Variants in FHIT observed in about 807,000 individuals in gnomAD.
FHIT encodes the protein bis(5'-adenosyl)-triphosphatase.
Under a neutral mutation model 17.9 loss-of-function variants are expected in FHIT, and 19 were observed. That is an observed-to-expected ratio of 1.06 (90% CI 0.74 to 1.56). The LOEUF (loss-of-function observed/expected upper bound fraction) is 1.56, where lower values mean the gene tolerates loss of function less well. FHIT is among the 40% of genes most tolerant of loss of function. The pLI is 0.00. For missense variants in FHIT, 248 were observed against 189.2 expected (o/e 1.31, Z -1.82); for synonymous variants, 81 against 69.7 (o/e 1.16, Z -0.81).
intron 5 of FHIT, among the ~76,000 whole-genome samples, chr3:60,529,362 A>C (rs2035687200): frequency 6.6e-6 from 1 of 152,212 alleles, no homozygotes; most frequent in Non-Finnish European, 1.5e-5. Context: ...TTGTAAAAAA[A>C]TCCACGTATA....
intron 4 of FHIT, among the ~76,000 whole-genome samples, chr3:60,595,702 C>CG (rs1165916036): frequency 1.3e-5 from 2 of 151,764 alleles, no homozygotes; most frequent in Non-Finnish European, 2.9e-5. Flanking sequence ...CCAGTGCCGT[C>CG]GTGCAGTTAT....
chr3:61,211,943 G>A (rs1353898082), intron 1 of FHIT, among the ~76,000 whole-genome samples: 3 of 152,170 alleles, frequency 2.0e-5, no homozygotes, highest in Non-Finnish European at 4.4e-5. Flanking sequence ...TGCAGCTGAG[G>A]GTCCTGTCTC....
intron 5 of FHIT, among the ~76,000 whole-genome samples, chr3:60,330,270 G>A (rs1200391122): frequency 6.6e-6 from 1 of 152,184 alleles, no homozygotes; most frequent in African/African-American, 2.4e-5. Context: ...ATTCAAACGG[G>A]TCATAAACCC....
At chr3:60,273,735 G>T (rs1046446904) in intron 5 of FHIT, among the ~76,000 whole-genome samples, 9 of 152,104 alleles carry the variant, frequency 5.9e-5, no homozygotes, top group Non-Finnish European at 8.8e-5. Context: ...TAACATGATG[G>T]TACCTCCTAA....
chr3:60,167,929 G>C (rs1407177961), intron 5 of FHIT, among the ~76,000 whole-genome samples: 2 of 152,068 alleles, frequency 1.3e-5, no homozygotes, highest in Admixed American at 6.6e-5. Flanking sequence ...CTTTTTGGAG[G>C]GGGAAGATGG....
chr3:60,279,640 G>T (rs745677318), intron 5 of FHIT, among the ~76,000 whole-genome samples: 1 of 151,976 alleles, frequency 6.6e-6, no homozygotes, highest in Non-Finnish European at 1.5e-5. Flanking sequence ...AATTAATATC[G>T]CTCGTGAACA....
chr3:59,887,754 A>G (rs1318002954), intron 8 of FHIT, among the ~76,000 whole-genome samples: 2 of 152,238 alleles, frequency 1.3e-5, no homozygotes, highest in Admixed American at 6.5e-5. Flanking sequence ...TGACTGCCCA[A>G]GAATTAAAAA....
intron 3 of FHIT, among the ~76,000 whole-genome samples, chr3:60,850,846 A>G (rs1475519069): frequency 6.6e-6 from 1 of 152,130 alleles, no homozygotes; most frequent in Non-Finnish European, 1.5e-5. Context: ...TTTGAATAGC[A>G]TCTTATTCAG....
At chr3:60,560,024 A>AC (rs899722578) in intron 4 of FHIT, among the ~76,000 whole-genome samples, 1 of 151,968 alleles carries the variant, frequency 6.6e-6, no homozygotes, top group Admixed American at 6.6e-5. Flanking sequence ...ACAGCTCCCA[A>AC]CAGCTTCAGA....
At chr3:60,999,213 C>A (rs1373133549) in intron 3 of FHIT, among the ~76,000 whole-genome samples, 1 of 152,042 alleles carries the variant, frequency 6.6e-6, no homozygotes, top group African/African-American at 2.4e-5. Context: ...CAATAGAATA[C>A]AATACACTTA....
intron 2 of FHIT, among the ~76,000 whole-genome samples, chr3:61,048,933 C>T (rs1296690320): frequency 6.6e-6 from 1 of 151,932 alleles, no homozygotes; most frequent in Non-Finnish European, 1.5e-5. Context: ...AATGTGATCA[C>T]TTGGACACAA....
intron 5 of FHIT, among the ~76,000 whole-genome samples, chr3:60,450,053 A>G (rs544731925): frequency 1.3e-5 from 2 of 150,790 alleles, no homozygotes; most frequent in African/African-American, 2.4e-5. Context: ...AAAATGGTAG[A>G]CCTATATAGA....
intron 5 of FHIT, among the ~76,000 whole-genome samples, chr3:60,183,268 C>A (rs1226977473): frequency 2.0e-5 from 3 of 152,114 alleles, no homozygotes; most frequent in Non-Finnish European, 4.4e-5. Flanking sequence ...TGTGGTGGTG[C>A]ATGCCTGTAA....
chr3:61,174,414 T>A (rs2038096825), intron 2 of FHIT, among the ~76,000 whole-genome samples: 1 of 152,202 alleles, frequency 6.6e-6, no homozygotes, highest in Admixed American at 6.5e-5. Flanking sequence ...TCATTTTAAA[T>A]TTCTAAATAA....
chr3:60,990,199 C>A (rs1347808122), intron 3 of FHIT, among the ~76,000 whole-genome samples: 1 of 152,182 alleles, frequency 6.6e-6, no homozygotes, highest in African/African-American at 2.4e-5. Flanking sequence ...AAGTCTACAT[C>A]CGAGGACCAA....
intron 3 of FHIT, among the ~76,000 whole-genome samples, chr3:60,944,268 C>A (rs1398805690): frequency 2.0e-5 from 3 of 152,068 alleles, no homozygotes; most frequent in East Asian, 1.9e-4. Context: ...CAATTAATGT[C>A]CTGAAGAATC....
intron 1 of FHIT, among the ~76,000 whole-genome samples, chr3:61,212,292 C>A (rs2039507222): frequency 6.6e-6 from 1 of 152,088 alleles, no homozygotes; most frequent in African/African-American, 2.4e-5. Flanking sequence ...ATAACCAATA[C>A]AGAGAAGTGC....
chr3:61,148,153 G>A (rs909033663), intron 2 of FHIT, among the ~76,000 whole-genome samples: 6 of 151,568 alleles, frequency 4.0e-5, no homozygotes, highest in African/African-American at 4.8e-5. Context: ...ATTAATGTTC[G>A]AAACAAACAC....
intron 3 of FHIT, among the ~76,000 whole-genome samples, chr3:60,954,662 A>T (rs1348565597): frequency 6.6e-6 from 1 of 152,210 alleles, no homozygotes; most frequent in African/African-American, 2.4e-5. Context: ...ACAATAACAA[A>T]TTATCAGAAT....
Sources: gnomAD v4.1 joint callset for allele counts (sites outside exome capture counted in the v4.1 genomes callset) on GRCh38, gnomAD v4.1.1 for gene constraint, MANE v1.5 for transcripts, NCBI Gene and HGNC (gene_info 2026-07-23, HGNC 2026-07-21) for gene names.